SOCS1: variants seen among roughly 807,000 people sequenced by gnomAD.
SOCS1 encodes JAK binding protein.
A neutral mutation model predicts 9.7 loss-of-function variants in SOCS1; 3 were observed. The observed-to-expected ratio is 0.31, with a 90% CI of 0.14 to 0.80. SOCS1 has a LOEUF of 0.80. SOCS1 is among the 30% of genes least tolerant of loss of function. The pLI is 0.61. For missense variants in SOCS1, 368 were observed against 324.7 expected (o/e 1.13, Z -1.02); for synonymous variants, 194 against 150.2 (o/e 1.29, Z -2.13).
chr16:11,254,850 T>G lies in SOCS1; in HGVS notation c.629A>C (p.Gln210Pro). 6.8e-7 allele frequency: 1 copy of G among 1,478,284 alleles called. No individual in the cohort carries two copies. The highest frequency in any genetic ancestry group is 1.4e-5 in the South Asian group (1 of 69,838). The allele number at this position is 1,478,284 out of a possible 1,614,324, so 91.6% of individuals were successfully genotyped here. Residue 210 changes from glutamine (Q) to proline (P), a missense_variant, in exon 2 of 2, where the codon CAG becomes CCG. Transcript: ENST00000332029. ...CACGGCGGGCGCTGCCGGTCAAATC[T>G]GGAAGGGGAAGGAGCTCAGGTAGTC... ...LRDYLSSFPFQI is the reference protein window; with the variant it reads ...LRDYLSSFPFPI
At chr16:11,255,687 A>G in intron 1 of SOCS1, 159 bp from the exon 2 acceptor site, 3 of 378,576 alleles carry the variant, frequency 7.9e-6, no homozygotes, top group Non-Finnish European at 1.4e-5. Context: ...CAGTGGACAC[A>G]GCTAGAAAAT....
chr16:11,254,845 A>C lies in SOCS1; in HGVS notation c.634T>G (p.Ter212GlyextTer60). Residue 212 changes from the stop codon to glycine (G), a stop_lost, in exon 2 of 2, where the codon TGA becomes GGA. Coordinates refer to ENST00000332029, the MANE Select transcript of SOCS1 (RefSeq NM_003745.2). ...DYLSSFPFQI[*>G] The stretch of plus-strand genomic sequence containing the variant: ...GCGTGCACGGCGGGCGCTGCCGGTC[A>C]AATCTGGAAGGGGAAGGAGCTCAGG... 6.8e-7 allele frequency: 1 copy of C among 1,475,894 alleles called. No homozygotes were observed. Among genetic ancestry groups the C allele is most frequent in the Non-Finnish European group, 8.9e-7 (1 of 1,121,396 alleles). The allele number at this position is 1,475,894 out of a possible 1,614,324, so 91.4% of individuals were successfully genotyped here.
In SOCS1 at chr16:11,254,980, G is replaced by A. The variant is rs1056466235; in HGVS notation, c.499C>T (p.Arg167Cys). 6 of 1,540,184 alleles carry A rather than the reference G, an allele frequency of 3.9e-6. No individual in the cohort carries two copies. The highest frequency in any genetic ancestry group is 1.4e-5 in the African/African-American group (1 of 69,656). Residue 167 changes from arginine to cysteine, a missense_variant, in exon 2 of 2, where the codon CGC (arginine) becomes TGC (cysteine). Coordinates refer to ENST00000332029, the MANE Select transcript of SOCS1 (RefSeq NM_003745.2). ...APRRMLGAPL[R>C]QRRVRPLQEL... ...TGCAGCGGCCGCACGCGGCGCTGGCGCAGCGGGGCCCCCAGCATGCGGCGC... is the reference window on the plus strand; with the variant it reads ...TGCAGCGGCCGCACGCGGCGCTGGCACAGCGGGGCCCCCAGCATGCGGCGC...
chr16:11,255,239 G>A lies in SOCS1; in HGVS notation c.240C>T (p.Tyr80=), dbSNP rs758219786. Residue 80 remains tyrosine (Y), a synonymous_variant, in exon 2 of 2, where the codon TAC becomes TAT. Transcript: ENST00000332029. ...CCCCGTGCACGCTCAGGGGCCCCCA[G>A]TAGAATCCGCAGGCGTCCAGGAGCG... ...ASALLDACGF[Y]WGPLSVHGAH... 1.1e-5 allele frequency: 18 copies of A among 1,566,254 alleles called. No homozygotes were observed. Among genetic ancestry groups the A allele is most frequent in the East Asian group, 9.6e-5 (4 of 41,764 alleles).
At position 11,256,171 on chromosome 16, in the gene SOCS1, C is replaced by T. The variant is rs1419627825; in HGVS notation, c.-143G>A. 4.0e-5 allele frequency: 6 copies of T among 151,804 alleles called. No homozygotes were observed. In the East Asian group the frequency reaches 9.8e-4, roughly 25 times the overall value. The allele number at this position is 151,804 out of a possible 1,614,324, so 9.4% of individuals were successfully genotyped here. On this transcript the variant is annotated 5_prime_UTR_variant, in exon 1 of 2. Coordinates refer to ENST00000332029, the MANE Select transcript of SOCS1 (RefSeq NM_003745.2). Reference sequence around the variant, plus strand: ...TCGCGCATGCTCCGGGGCCAGGAGCCGTGCAGCTGCCACGGCCGCAGCTCG... The same window carrying T: ...TCGCGCATGCTCCGGGGCCAGGAGCTGTGCAGCTGCCACGGCCGCAGCTCG...
At chr16:11,255,798 G>A (rs1399819346) in intron 1 of SOCS1, 1 of 243,290 alleles carries the variant, frequency 4.1e-6, no homozygotes, top group African/African-American at 2.2e-5. Context: ...GAGAGCAGCC[G>A]GTTCTGGCTC....
chr16:11,255,459 A>C lies in SOCS1; in HGVS notation c.20T>G (p.Val7Gly). 1.5e-6 allele frequency: 2 copies of C among 1,292,668 alleles called. No individual in the cohort carries two copies. Among genetic ancestry groups the C allele is most frequent in the Non-Finnish European group, 2.0e-6 (2 of 1,023,266 alleles). The allele number at this position is 1,292,668 out of a possible 1,614,324, so 80.1% of individuals were successfully genotyped here. The change falls in exon 2 of 2, where the codon GTG (valine) becomes GGG (glycine). Residue 7 changes from valine to glycine, a missense_variant. Coordinates refer to ENST00000332029, the MANE Select transcript of SOCS1 (RefSeq NM_003745.2). ...TGTGGAGACTGCATTGTCGGCTGCC[A>C]CCTGGTTGTGTGCTACCATCCTACA... MVAHNQVAADNAVSTAA... is the reference protein window; with the variant it reads MVAHNQGAADNAVSTAA...
Position 11,254,893 on chromosome 16 carries a change from G to A in SOCS1, c.586C>T (p.Leu196Phe), listed in dbSNP as rs1463540724. Reference sequence around the variant, plus strand: ...AGGTAGTCGCGGAGGACGGGGTTGAGGGGGATGCGAGCCAGGTTCTCGCGG... The same window carrying A: ...AGGTAGTCGCGGAGGACGGGGTTGAAGGGGATGCGAGCCAGGTTCTCGCGG... Reference protein sequence around the residue: ...VGRENLARIPLNPVLRDYLSS... With the variant: ...VGRENLARIPFNPVLRDYLSS... Residue 196 changes from leucine (L) to phenylalanine (F), a missense_variant, in exon 2 of 2, where the codon CTC becomes TTC. Transcript: ENST00000332029. 1 of 1,502,118 alleles carries A rather than the reference G, an allele frequency of 6.7e-7. No individual in the cohort carries two copies. The highest frequency in any genetic ancestry group is 2.6e-5 in the Admixed American group (1 of 38,226). The allele number at this position is 1,502,118 out of a possible 1,614,324, so 93.0% of individuals were successfully genotyped here. A position where few individuals can be genotyped will look rare whatever the true frequency, so the allele number is the denominator to read the frequency against.
Position 11,254,669 on chromosome 16 carries a change from G to T in SOCS1, c.*174C>A. 1 of 880,194 alleles carries T rather than the reference G, an allele frequency of 1.1e-6. No individual in the cohort carries two copies. The highest frequency in any genetic ancestry group is 1.5e-6 in the Non-Finnish European group (1 of 645,518). The allele number at this position is 880,194 out of a possible 1,614,324, so 54.5% of individuals were successfully genotyped here. A position where few individuals can be genotyped will look rare whatever the true frequency, so the allele number is the denominator to read the frequency against. ...CAGGAGGGGGAGGACCCCCTCAAGA[G>T]GTGAGAAGGGGTCTGCGGCCTCGTC... On this transcript the variant is annotated 3_prime_UTR_variant, in exon 2 of 2. Transcript: ENST00000332029.
At position 11,254,702 on chromosome 16, in the gene SOCS1, G is replaced by A. The variant is rs2069572119; in HGVS notation, c.*141C>T. 8.2e-7 allele frequency: 1 copy of A among 1,217,346 alleles called. No individual in the cohort carries two copies. Among genetic ancestry groups the A allele is most frequent in the Non-Finnish European group, 1.1e-6 (1 of 946,668 alleles). 75.4% of individuals were successfully genotyped at this position (1,217,346 alleles called of 1,614,324 possible). ...GGGGTCTGCGGCCTCGTCTCCAGCC[G>A]AGGGCGGGAGGCGCCTCGCCCCTAC... On this transcript the variant is annotated 3_prime_UTR_variant, in exon 2 of 2. Transcript: ENST00000332029.
chr16:11,255,140 GA>G lies in SOCS1; in HGVS notation c.338del (p.Phe113SerfsTer5). 1 of 1,606,804 alleles carries G rather than the reference GA, an allele frequency of 6.2e-7. No individual in the cohort carries two copies. ...VRDSRQRNCF[F>X]ALSVKMASGP... ...CCGAGGCCATCTTCACGCTAAGGGC[GA>G]AAAAGCAGTTCCGCTGGCGGCTGTC... On this transcript the variant is annotated frameshift_variant, in exon 2 of 2. Coordinates refer to ENST00000332029, the MANE Select transcript of SOCS1 (RefSeq NM_003745.2). LOFTEE classifies it high-confidence loss of function.
chr16:11,255,698 G>A (rs2069592257), intron 1 of SOCS1, 170 bp from the exon 2 acceptor site: 1 of 373,312 alleles, frequency 2.7e-6, no homozygotes. Context: ...GCTAGAAAAT[G>A]GGCTCTGTAC....
rs2069588143 is a variant in SOCS1 at position 11,255,495 on chromosome 16, G to A, written c.-17C>T. 1 of 1,260,128 alleles carries A rather than the reference G, an allele frequency of 7.9e-7. No homozygotes were observed. The highest frequency in any genetic ancestry group is 1.0e-6 in the Non-Finnish European group (1 of 1,004,122). 78.1% of individuals were successfully genotyped at this position (1,260,128 alleles called of 1,614,324 possible). A position where few individuals can be genotyped will look rare whatever the true frequency, so the allele number is the denominator to read the frequency against. ...TGCTACCATCCTACAGAAGGGGCCA[G>A]CCGGAGGGGTGGGCCATAGCGTCCG... is the stretch of plus-strand genomic sequence containing the variant. On this transcript the variant is annotated 5_prime_UTR_variant, in exon 2 of 2. Coordinates refer to ENST00000332029, the MANE Select transcript of SOCS1 (RefSeq NM_003745.2).
chr16:11,255,327 C>CCGGGGG lies in SOCS1; in HGVS notation c.146_151dup (p.Ala49_Pro50dup), dbSNP rs1567455538. 3 of 1,467,672 alleles carry CCGGGGG rather than the reference C, an allele frequency of 2.0e-6. No homozygotes were observed. The highest frequency in any genetic ancestry group is 1.5e-5 in the African/African-American group (1 of 67,658). The allele number at this position is 1,467,672 out of a possible 1,614,324, so 90.9% of individuals were successfully genotyped here. A position where few individuals can be genotyped will look rare whatever the true frequency, so the allele number is the denominator to read the frequency against. On this transcript the variant is annotated inframe_insertion, in exon 2 of 2. Transcript: ENST00000332029. Reference sequence around the variant, plus strand: ...ACGGAATGTGCGGAAGTGCGTGTCGCCGGGGGCCGGGGCCGGGACCGCGGG... The same window carrying CCGGGGG: ...ACGGAATGTGCGGAAGTGCGTGTCGCCGGGGGCGGGGGCCGGGGCCGGGACCGCGGG...
At position 11,255,152 on chromosome 16, in the gene SOCS1, C is replaced by G; in HGVS notation, c.327G>C (p.Arg109=). Residue 109 remains arginine, a synonymous_variant, in exon 2 of 2, where the codon CGG becomes CGC. Transcript: ENST00000332029. The part of the protein sequence containing the change: ...GTFLVRDSRQ[R]NCFFALSVKM... ...TCACGCTAAGGGCGAAAAAGCAGTT[C>G]CGCTGGCGGCTGTCGCGCACCAGGA... 6.2e-7 allele frequency: 1 copy of G among 1,602,914 alleles called. No homozygotes were observed. Among genetic ancestry groups the G allele is most frequent in the East Asian group, 2.3e-5 (1 of 44,402 alleles).
intron 1 of SOCS1, chr16:11,255,776 G>T: frequency 7.3e-6 from 2 of 274,322 alleles, no homozygotes; most frequent in Non-Finnish European, 1.4e-5. Context: ...GCAGCACCGA[G>T]AGGGGGGCGT....
At position 11,254,678 on chromosome 16, in the gene SOCS1, G is replaced by T. The variant is rs1034517453; in HGVS notation, c.*165C>A. 2 of 977,188 alleles carry T rather than the reference G, an allele frequency of 2.0e-6. No individual in the cohort carries two copies. The highest frequency in any genetic ancestry group is 6.6e-5 in the East Asian group (2 of 30,342). 60.5% of individuals were successfully genotyped at this position (977,188 alleles called of 1,614,324 possible). ...GAGGACCCCCTCAAGAGGTGAGAAG[G>T]GGTCTGCGGCCTCGTCTCCAGCCGA... On this transcript the variant is annotated 3_prime_UTR_variant, in exon 2 of 2. Transcript: ENST00000332029.
In SOCS1 at chr16:11,254,787, A is replaced by G. The variant is rs777439416; in HGVS notation, c.*56T>C. On this transcript the variant is annotated 3_prime_UTR_variant, in exon 2 of 2. Transcript: ENST00000332029. ...GTACCCACATGGTTCCAGGCAAGTA[A>G]TAACAAAATAACACGGCATCCCAGT... 7.4e-5 allele frequency: 105 copies of G among 1,427,248 alleles called. No homozygotes were observed. Among genetic ancestry groups the G allele is most frequent in the Non-Finnish European group, 9.5e-5 (104 of 1,093,032 alleles). 88.4% of individuals were successfully genotyped at this position (1,427,248 alleles called of 1,614,324 possible).
At position 11,254,849 on chromosome 16, in the gene SOCS1, C is replaced by G. The variant is rs11549428; in HGVS notation, c.630G>C (p.Gln210His). The G allele has an allele frequency of 8.9e-3, 13,083 of 1,478,218 alleles. 73 individuals are homozygous for G. Among genetic ancestry groups the G allele is most frequent in the Non-Finnish European group, 0.011 (12,380 of 1,122,740 alleles). The allele number at this position is 1,478,218 out of a possible 1,614,324, so 91.6% of individuals were successfully genotyped here. ...GCACGGCGGGCGCTGCCGGTCAAAT[C>G]TGGAAGGGGAAGGAGCTCAGGTAGT... ...LRDYLSSFPF[Q>H]I The change falls in exon 2 of 2, where the codon CAG becomes CAC. Residue 210 changes from glutamine (Q) to histidine (H), a missense_variant. Transcript: ENST00000332029.
Sources: allele counts gnomAD v4.1 joint callset, GRCh38; gene constraint gnomAD v4.1.1; transcripts MANE v1.5; gene names NCBI Gene and HGNC (gene_info 2026-07-23, HGNC 2026-07-21).